Variants in DGKB observed in about 807,000 individuals in gnomAD.
The protein encoded by DGKB is diacylglycerol kinase beta.
DGKB carries 67 observed loss-of-function variants against 114.3 expected under a neutral mutation model. That is an observed-to-expected ratio of 0.59 (90% CI 0.48 to 0.72). The LOEUF (loss-of-function observed/expected upper bound fraction) is 0.72, where lower values mean the gene tolerates loss of function less well. Among genes scored for constraint, DGKB ranks in the 30% least tolerant of loss-of-function variants. The probability of loss-of-function intolerance (pLI) is 0.00; values close to 1 mark genes in which losing one functional copy is unlikely to be tolerated. For missense variants in DGKB, 907 were observed against 975.2 expected, an observed-to-expected ratio of 0.93 and a Z score of 0.93; for synonymous variants, 398 against 323.1, an observed-to-expected ratio of 1.23 and a Z score of -2.49.
chr7:14,965,939 G>A (rs1009922776), intron 1 of DGKB, among the ~76,000 whole-genome samples: 3 of 151,694 alleles, frequency 2.0e-5, no homozygotes, highest in African/African-American at 7.3e-5. Flanking sequence ...CTATACTTCT[G>A]TCAAAAAAAA....
chr7:14,596,094 A>G (rs1802532086), intron 17 of DGKB, among the ~76,000 whole-genome samples: 1 of 152,164 alleles, frequency 6.6e-6, no homozygotes, highest in African/African-American at 2.4e-5. Flanking sequence ...GCGATATTTC[A>G]TAGAGATTTA....
chr7:14,590,834 A>AT (rs879780595), intron 17 of DGKB, among the ~76,000 whole-genome samples: 33 of 152,000 alleles, frequency 2.2e-4, no homozygotes, highest in African/African-American at 1.2e-4. Flanking sequence ...ATTTAATTAT[A>AT]TTTTTTTCTT....
intron 23 of DGKB, among the ~76,000 whole-genome samples, chr7:14,264,571 C>T (rs1041538343): frequency 4.6e-5 from 7 of 152,150 alleles, no homozygotes; most frequent in Non-Finnish European, 1.0e-4. Context: ...GAAAGTCAAG[C>T]AACTTCTATT....
At chr7:14,474,095 TG>T (rs2128895587) in intron 21 of DGKB, among the ~76,000 whole-genome samples, 1 of 152,296 alleles carries the variant, frequency 6.6e-6, no homozygotes, top group African/African-American at 2.4e-5. Context: ...GGAGGGGCCA[TG>T]GGCAGAATGA....
intron 1 of DGKB, among the ~76,000 whole-genome samples, chr7:14,885,925 C>A (rs1472511617): frequency 6.6e-6 from 1 of 151,386 alleles, no homozygotes; most frequent in Non-Finnish European, 1.5e-5. Context: ...AATGCCAGGC[C>A]AAGGTGAATC....
intron 23 of DGKB, among the ~76,000 whole-genome samples, chr7:14,306,791 A>C (rs938455332): frequency 6.6e-6 from 1 of 152,194 alleles, no homozygotes; most frequent in African/African-American, 2.4e-5. Context: ...AGAAAGAAAC[A>C]AAAGCTTCAG....
intron 1 of DGKB, among the ~76,000 whole-genome samples, chr7:14,876,856 A>T (rs1246344039): frequency 2.0e-5 from 3 of 152,226 alleles, no homozygotes; most frequent in Non-Finnish European, 4.4e-5. Context: ...TATTCAGTTG[A>T]ATCAAATTAT....
chr7:14,387,881 C>CTTTTT (rs11448628), intron 21 of DGKB, among the ~76,000 whole-genome samples: 2 of 117,876 alleles, frequency 1.7e-5, no homozygotes, highest in Non-Finnish European at 3.7e-5. Flanking sequence ...GTGTCCTTTT[C>CTTTTT]TTTTTTTTTT....
intron 1 of DGKB, among the ~76,000 whole-genome samples, chr7:14,938,383 A>G (rs1488843410): frequency 1.3e-5 from 2 of 152,234 alleles, no homozygotes; most frequent in Non-Finnish European, 2.9e-5. Context: ...GATAACAGAT[A>G]AGCACACAAT....
chr7:14,910,298 G>GA (rs1353395442), intron 1 of DGKB, among the ~76,000 whole-genome samples: 1 of 116,742 alleles, frequency 8.6e-6, no homozygotes, highest in Non-Finnish European at 1.9e-5. Context: ...AAGAAAGAAA[G>GA]AAAGAAAGAA....
intron 20 of DGKB, among the ~76,000 whole-genome samples, chr7:14,532,754 G>C (rs1364024647): frequency 1.3e-5 from 2 of 151,594 alleles, no homozygotes. Flanking sequence ...AAGACATGGA[G>C]TCCTAAACAT....
At chr7:14,462,335 A>G (rs1207468781) in intron 21 of DGKB, among the ~76,000 whole-genome samples, 1 of 152,212 alleles carries the variant, frequency 6.6e-6, no homozygotes, top group Non-Finnish European at 1.5e-5. Flanking sequence ...TGCAGATGAC[A>G]TGACTGTATA....
intron 20 of DGKB, among the ~76,000 whole-genome samples, chr7:14,556,664 C>A (rs1357529333): frequency 6.6e-6 from 1 of 151,870 alleles, no homozygotes; most frequent in Non-Finnish European, 1.5e-5. Context: ...TAATATTGAC[C>A]CGTTTTGGCT....
At chr7:14,167,531 G>C (rs1006785359) in intron 25 of DGKB, among the ~76,000 whole-genome samples, 2 of 152,142 alleles carry the variant, frequency 1.3e-5, no homozygotes, top group Admixed American at 1.3e-4. Context: ...AGAGGAGGTG[G>C]CTTGAGAAAG....
At chr7:14,685,209 G>A in intron 10 of DGKB, 36 bp downstream of exon 10, 2 of 1,377,442 alleles carry the variant, frequency 1.5e-6, no homozygotes, top group Non-Finnish European at 2.1e-6. Flanking sequence ...TTCCTCACTT[G>A]AGGAGATGAT....
intron 16 of DGKB, among the ~76,000 whole-genome samples, chr7:14,613,128 G>C (rs1429156987): frequency 6.6e-6 from 1 of 151,968 alleles, no homozygotes; most frequent in Non-Finnish European, 1.5e-5. Flanking sequence ...AAACACCTGA[G>C]CTATAATAGT....
chr7:14,315,061 A>C (rs1240283136), intron 23 of DGKB, among the ~76,000 whole-genome samples: 2 of 151,408 alleles, frequency 1.3e-5, no homozygotes, highest in Non-Finnish European at 2.9e-5. Context: ...GAAATAAAAT[A>C]CTTTACAGAC....
intron 21 of DGKB, among the ~76,000 whole-genome samples, chr7:14,375,836 C>T (rs1818394886): frequency 6.6e-6 from 1 of 152,174 alleles, no homozygotes; most frequent in Admixed American, 6.5e-5. Flanking sequence ...TCCTCAGTAC[C>T]TGAAACATGC....
chr7:14,836,122 C>T (rs958714791), intron 2 of DGKB, among the ~76,000 whole-genome samples: 1 of 152,126 alleles, frequency 6.6e-6, no homozygotes, highest in South Asian at 2.1e-4. Context: ...AAGTAGAAAA[C>T]AGGGCTGGGA....
Sources: gnomAD v4.1 joint callset for allele counts (sites outside exome capture counted in the v4.1 genomes callset) on GRCh38, gnomAD v4.1.1 for gene constraint, MANE v1.5 for transcripts, NCBI Gene and HGNC (gene_info 2026-07-23, HGNC 2026-07-21) for gene names.